Variants in LHCGR observed in about 807,000 individuals in gnomAD.
The protein encoded by LHCGR is lutropin-choriogonadotropic hormone receptor.
LHCGR carries 55 observed loss-of-function variants against 60.7 expected under a neutral mutation model. That is an observed-to-expected ratio of 0.91 (90% CI 0.73 to 1.13). LHCGR has a LOEUF of 1.13. LHCGR is among the 50% of genes most tolerant of loss of function. The pLI is 0.00. For missense variants in LHCGR, 862 were observed against 836.0 expected (o/e 1.03, Z -0.38); for synonymous variants, 337 against 316.5 (o/e 1.06, Z -0.69).
At chr2:48,707,151 G>A (rs573029846) in intron 8 of LHCGR, among the ~76,000 whole-genome samples, 4 of 152,264 alleles carry the variant, frequency 2.6e-5, no homozygotes, top group Non-Finnish European at 4.4e-5. Flanking sequence ...AGTCAGGCCC[G>A]TCAGCTGCAG....
In LHCGR at chr2:48,755,594, G is replaced by A. The variant is rs1319934142; in HGVS notation, c.78C>T (p.Arg26=). The change falls in exon 1 of 11, where the codon CGC becomes CGT. Residue 26 remains arginine (R), a synonymous_variant. Coordinates refer to ENST00000294954, the MANE Select transcript of LHCGR (RefSeq NM_000233.4). ...TGCAGGGCTCAGGGCAGAGCGCCTC[G>A]CGCAGCGCTCGTGGCAGCGGCGGCT... ...LLQPPLPRAL[R]EALCPEPCNC... is the part of the protein sequence containing the mutation. 1.3e-6 allele frequency: 2 copies of A among 1,537,636 alleles called. No homozygotes were observed. Among genetic ancestry groups the A allele is most frequent in the Non-Finnish European group, 8.7e-7 (1 of 1,145,168 alleles).
chr2:48,703,262 A>G (rs1426150799), intron 8 of LHCGR, among the ~76,000 whole-genome samples: 1 of 152,172 alleles, frequency 6.6e-6, no homozygotes, highest in Non-Finnish European at 1.5e-5. Context: ...TGCTGTGCAG[A>G]AGCTCTTTAG....
intron 6 of LHCGR, among the ~76,000 whole-genome samples, chr2:48,719,118 C>G (rs55983902): frequency 0.13 from 20,145 of 151,560 alleles, 1,728 homozygotes; most frequent in South Asian, 0.27. Context: ...GTCAGGAGAT[C>G]AAGACCATCC....
At chr2:48,705,283 A>T (rs545245239) in intron 8 of LHCGR, among the ~76,000 whole-genome samples, 32 of 152,134 alleles carry the variant, frequency 2.1e-4, no homozygotes, top group Non-Finnish European at 4.6e-4. Flanking sequence ...GTTCTTTTAC[A>T]TTTGGTGAGG....
intron 1 of LHCGR, among the ~76,000 whole-genome samples, chr2:48,750,330 A>G (rs1445735553): frequency 6.6e-6 from 1 of 152,090 alleles, no homozygotes; most frequent in Non-Finnish European, 1.5e-5. Flanking sequence ...TTATTAAGGA[A>G]TCTTGGGCTG....
chr2:48,750,688 C>T (rs1222165143), intron 1 of LHCGR, among the ~76,000 whole-genome samples: 4 of 152,212 alleles, frequency 2.6e-5, no homozygotes, highest in African/African-American at 9.7e-5. Flanking sequence ...AATCATGAAA[C>T]TCAGTAACAC....
At chr2:48,719,976 A>G (rs1668429992) in intron 6 of LHCGR, 1 of 152,186 alleles carries the variant, frequency 6.6e-6, no homozygotes, top group African/African-American at 2.4e-5. Flanking sequence ...CAGGCAAATA[A>G]ATGACTAATC....
At chr2:48,738,243 G>C (rs1340348178) in intron 1 of LHCGR, among the ~76,000 whole-genome samples, 4 of 151,778 alleles carry the variant, frequency 2.6e-5, no homozygotes, top group African/African-American at 4.8e-5. Flanking sequence ...TTTCCCTTCA[G>C]TATTATTTGA....
rs61510695 is a variant in LHCGR, at chr2:48,714,483, CTTT to C, written c.537-432_537-430del. Among the ~76,000 whole-genome samples the C allele has an allele frequency of 8.3e-3, 1,158 of 139,916 alleles. 39 individuals are homozygous for C. The East Asian group carries it at 0.1, about 13-fold the overall frequency. 91.8% of individuals were successfully genotyped at this position (139,916 alleles called of 152,430 possible). ...GAGGAAGCCTCCAGCACTGAGCCCACTTTTTTTTTTTTTTTTCTTGGATGAGTA... is the reference window on the plus strand; with the variant it reads ...GAGGAAGCCTCCAGCACTGAGCCCACTTTTTTTTTTTTTCTTGGATGAGTA... On this transcript the variant is annotated intron_variant, in intron 6 of 10. Coordinates refer to ENST00000294954, the MANE Select transcript of LHCGR (RefSeq NM_000233.4).
At chr2:48,731,893 G>A (rs1669009345) in intron 1 of LHCGR, among the ~76,000 whole-genome samples, 1 of 152,112 alleles carries the variant, frequency 6.6e-6, no homozygotes, top group Non-Finnish European at 1.5e-5. Flanking sequence ...TCTTTCCCAG[G>A]TAGCCTATTT....
intron 7 of LHCGR, among the ~76,000 whole-genome samples, chr2:48,710,943 A>G (rs1667959500): frequency 6.6e-6 from 1 of 152,216 alleles, no homozygotes; most frequent in East Asian, 1.9e-4. Context: ...TTAGAAGAGA[A>G]TTCAGACTCC....
intron 3 of LHCGR, among the ~76,000 whole-genome samples, chr2:48,728,826 T>C (rs1444738175): frequency 6.6e-6 from 1 of 152,118 alleles, no homozygotes; most frequent in Non-Finnish European, 1.5e-5. Flanking sequence ...TCTAAGCTCT[T>C]TTCCAAATTT....
chr2:48,750,328 G>T, intron 1 of LHCGR, among the ~76,000 whole-genome samples: 1 of 152,114 alleles, frequency 6.6e-6, no homozygotes, highest in Middle Eastern at 3.2e-3. Flanking sequence ...TTTTATTAAG[G>T]AATCTTGGGC....
intron 1 of LHCGR, among the ~76,000 whole-genome samples, chr2:48,747,337 C>G (rs1450207465): frequency 6.6e-6 from 1 of 152,186 alleles, no homozygotes; most frequent in Non-Finnish European, 1.5e-5. Flanking sequence ...AGTGATCCAC[C>G]TACCTCAGCC....
intron 1 of LHCGR, among the ~76,000 whole-genome samples, chr2:48,733,479 G>A (rs1572877900): frequency 1.3e-5 from 2 of 152,290 alleles, no homozygotes; most frequent in East Asian, 3.9e-4. Context: ...AAGCAGCCCT[G>A]GTGCAAGCTG....
In LHCGR at chr2:48,723,643, GAGA is replaced by G. The variant is rs771560156; in HGVS notation, c.434_436del (p.Phe145del). ...TTACAGAATGAAATTTGATTCAGAGGAGAAGACCTTCGTAACATCTGGAAACTT... is the reference window on the plus strand; with the variant it reads ...TTACAGAATGAAATTTGATTCAGAGGAGACCTTCGTAACATCTGGAAACTT... On this transcript the variant is annotated inframe_deletion, in exon 5 of 11. Transcript: ENST00000294954. 4 of 1,613,822 alleles carry G rather than the reference GAGA, an allele frequency of 2.5e-6. No homozygotes were observed. The highest frequency in any genetic ancestry group is 8.5e-7 in the Non-Finnish European group (1 of 1,179,732).
chr2:48,704,664 A>T (rs187833987), intron 8 of LHCGR, among the ~76,000 whole-genome samples: 1 of 152,156 alleles, frequency 6.6e-6, no homozygotes. Flanking sequence ...TAGATTTTCT[A>T]GTTTATTTGC....
rs1456530879 is a variant in LHCGR at position 48,739,138 on chromosome 2, C to T, written c.162-7840G>A. Among the ~76,000 whole-genome samples the T allele has an allele frequency of 6.6e-5, 10 of 152,236 alleles. No individual in the cohort carries two copies. In the South Asian group the frequency reaches 1.5e-3, roughly 22 times the overall value. On this transcript the variant is annotated intron_variant, in intron 1 of 10. Transcript: ENST00000294954. ...TACCATCTCATACCAGTTAGAATGGCGATCATTAAAAAGTCAGGAAACAAC... is the reference window on the plus strand; with the variant it reads ...TACCATCTCATACCAGTTAGAATGGTGATCATTAAAAAGTCAGGAAACAAC...
rs376613983 is a variant in LHCGR, at chr2:48,755,536, C to G, written c.136G>C (p.Gly46Arg). Residue 46 changes from glycine to arginine, a missense_variant, in exon 1 of 11, where the codon GGC (glycine) becomes CGC (arginine). Coordinates refer to ENST00000294954, the MANE Select transcript of LHCGR (RefSeq NM_000233.4). ...AGTCGAGTGAGACCGGCCGTGGGGC[C>G]GGGGCAGCGCAGGGCGCCGTCGGGC... ...CVPDGALRCP[G>R]PTAGLTRLSL... 1 of 1,541,622 alleles carries G rather than the reference C, an allele frequency of 6.5e-7. No individual in the cohort carries two copies. The highest frequency in any genetic ancestry group is 8.7e-7 in the Non-Finnish European group (1 of 1,144,402).
Sources: allele counts gnomAD v4.1 joint callset (sites outside exome capture counted in the v4.1 genomes callset), GRCh38; gene constraint gnomAD v4.1.1; transcripts MANE v1.5; gene names NCBI Gene and HGNC (gene_info 2026-07-23, HGNC 2026-07-21).